AKT3: variants seen among roughly 807,000 people sequenced by gnomAD.
AKT3 encodes the protein AKT serine/threonine kinase 3.
Under a neutral mutation model 65.3 loss-of-function variants are expected in AKT3, and 15 were observed. The observed-to-expected ratio is 0.23, with a 90% CI of 0.15 to 0.35. The LOEUF is 0.35. AKT3 is among the 10% of genes least tolerant of loss of function. AKT3 has a pLI of 1.00. For synonymous variants in AKT3, 206 were observed against 183.8 expected (o/e 1.12, Z -0.98); for missense variants, 243 against 576.5 (o/e 0.42, Z 5.92).
chr1:243,641,258 G>GTATATA lies in AKT3; in HGVS notation c.430-3522_430-3517dup, dbSNP rs74162300. 8.5e-3 allele frequency among the ~76,000 whole-genome samples: 1,202 copies of GTATATA among 141,158 alleles called. 8 individuals are homozygous for GTATATA. Among genetic ancestry groups the GTATATA allele is most frequent in the Non-Finnish European group, 0.014 (941 of 65,618 alleles). 92.6% of individuals were successfully genotyped at this position (141,158 alleles called of 152,430 possible). A position where few individuals can be genotyped will look rare whatever the true frequency, so the allele number is the denominator to read the frequency against. ...ATAAACTCCATATATATGTGTGTGT[G>GTATATA]TATATATATATATATACACACACAC... On this transcript the variant is annotated intron_variant, in intron 5 of 13. Transcript: ENST00000673466.
intron 2 of AKT3, among the ~76,000 whole-genome samples, chr1:243,779,192 G>A (rs1208368323): frequency 6.6e-6 from 1 of 152,122 alleles, no homozygotes; most frequent in Non-Finnish European, 1.5e-5. Context: ...ACACACAATA[G>A]TTGTAGGAAT....
chr1:243,731,385 G>A (rs1346605314), intron 2 of AKT3, among the ~76,000 whole-genome samples: 1 of 152,144 alleles, frequency 6.6e-6, no homozygotes, highest in Non-Finnish European at 1.5e-5. Context: ...CAAGAACTAA[G>A]GGGCAAGAAG....
chr1:243,629,747 G>A (rs1035205340), intron 6 of AKT3, among the ~76,000 whole-genome samples: 1 of 152,154 alleles, frequency 6.6e-6, no homozygotes, highest in Non-Finnish European at 1.5e-5. Context: ...AGCCGAGATC[G>A]CGCCACTGCA....
At chr1:243,622,936 T>G (rs1231998194) in intron 6 of AKT3, among the ~76,000 whole-genome samples, 1 of 152,180 alleles carries the variant, frequency 6.6e-6, no homozygotes, top group Non-Finnish European at 1.5e-5. Context: ...ATTGGGTTAT[T>G]TTAATGGACT....
At chr1:243,756,123 G>T (rs529855374) in intron 2 of AKT3, among the ~76,000 whole-genome samples, 24 of 152,194 alleles carry the variant, frequency 1.6e-4, no homozygotes, top group Non-Finnish European at 2.4e-4. Context: ...GTGTGAGATA[G>T]AAATTGAAAT....
intron 13 of AKT3, among the ~76,000 whole-genome samples, chr1:243,509,351 C>A (rs1451406051): frequency 2.0e-5 from 3 of 152,098 alleles, no homozygotes; most frequent in Non-Finnish European, 4.4e-5. Flanking sequence ...CAATAAAATG[C>A]ACACTAATGA....
At chr1:243,592,110 C>T (rs1164173911) in intron 8 of AKT3, among the ~76,000 whole-genome samples, 5 of 151,944 alleles carry the variant, frequency 3.3e-5, no homozygotes, top group African/African-American at 9.7e-5. Context: ...CCAAGCTGGG[C>T]GGATCACGAG....
At chr1:243,507,531 C>T (rs761807614) in intron 13 of AKT3, among the ~76,000 whole-genome samples, 8 of 152,204 alleles carry the variant, frequency 5.3e-5, no homozygotes, top group Admixed American at 1.3e-4. Context: ...GCAGGGGCTG[C>T]GGTGGGAGGG....
chr1:243,648,788 T>C lies in AKT3; in HGVS notation c.285-2751A>G, dbSNP rs369041048. 1.1e-3 allele frequency among the ~76,000 whole-genome samples: 165 copies of C among 152,284 alleles called. No individual in the cohort carries two copies. In the Middle Eastern group the frequency reaches 0.014, roughly 13 times the overall value. ...TTTCTAATGTTTTCTTGGATGTCAG[T>C]AATTTGTGTCTTCCCTCTTTTTCCT... On this transcript the variant is annotated intron_variant, in intron 4 of 13. Coordinates refer to ENST00000673466, the MANE Select transcript of AKT3 (RefSeq NM_005465.7).
intron 3 of AKT3, among the ~76,000 whole-genome samples, chr1:243,681,094 AT>A (rs1683883213): frequency 6.6e-6 from 1 of 152,174 alleles, no homozygotes; most frequent in Non-Finnish European, 1.5e-5. Context: ...CTGCAGGTTT[AT>A]CTCCCAGCTC....
intron 8 of AKT3, among the ~76,000 whole-genome samples, chr1:243,580,650 G>A (rs968248189): frequency 7.9e-5 from 12 of 152,146 alleles, no homozygotes; most frequent in Non-Finnish European, 1.3e-4. Context: ...CAGGAGAGCC[G>A]CTACAGCTGC....
rs373666457 is a variant in AKT3 at position 243,686,652 on chromosome 1, T to TATATATATATATATATATATATA, written c.172+8938_172+8939insTATATATATATATATATATATAT. Among the ~76,000 whole-genome samples the TATATATATATATATATATATATA allele has an allele frequency of 8.3e-3, 105 of 12,622 alleles. 6 individuals are homozygous for TATATATATATATATATATATATA. The highest frequency in any genetic ancestry group is 0.012 in the Non-Finnish European group (81 of 6,834). The allele number at this position is 12,622 out of a possible 152,430, so 8.3% of individuals were successfully genotyped here. A position where few individuals can be genotyped will look rare whatever the true frequency, so the allele number is the denominator to read the frequency against. Reference sequence around the variant, plus strand: ...TTTCATATATATATATATATATATATTTTTTTTTTTTTTTTTTTTTTTTTT... The same window carrying TATATATATATATATATATATATA: ...TTTCATATATATATATATATATATATATATATATATATATATATATATATTTTTTTTTTTTTTTTTTTTTTTTT... On this transcript the variant is annotated intron_variant, in intron 3 of 13. Coordinates refer to ENST00000673466, the MANE Select transcript of AKT3 (RefSeq NM_005465.7).
At position 243,707,974 on chromosome 1, in the gene AKT3, A is replaced by G. The variant is rs368452321; in HGVS notation, c.47-12258T>C. 2.8e-3 allele frequency among the ~76,000 whole-genome samples: 426 copies of G among 152,216 alleles called. 2 individuals carry two copies. The highest frequency in any genetic ancestry group is 9.6e-3 in the African/African-American group (397 of 41,568). On this transcript the variant is annotated intron_variant, in intron 2 of 13. Coordinates refer to ENST00000673466, the MANE Select transcript of AKT3 (RefSeq NM_005465.7). ...AAGTTTTTAAAACTGAAGGGAATCTATGCTTCCATTTTAATGAATACTGCT... is the reference window on the plus strand; with the variant it reads ...AAGTTTTTAAAACTGAAGGGAATCTGTGCTTCCATTTTAATGAATACTGCT...
At chr1:243,618,178 C>T (rs776377191) in intron 6 of AKT3, among the ~76,000 whole-genome samples, 1 of 152,008 alleles carries the variant, frequency 6.6e-6, no homozygotes, top group Non-Finnish European at 1.5e-5. Context: ...TTTCTACCCC[C>T]TAAATTTGTA....
intron 4 of AKT3, among the ~76,000 whole-genome samples, chr1:243,649,197 T>C (rs1681076622): frequency 6.6e-6 from 1 of 152,102 alleles, no homozygotes; most frequent in Non-Finnish European, 1.5e-5. Flanking sequence ...ACATCTATTG[T>C]CTTACTGTTA....
At chr1:243,632,952 G>A (rs1467371712) in intron 6 of AKT3, among the ~76,000 whole-genome samples, 3 of 152,118 alleles carry the variant, frequency 2.0e-5, no homozygotes, top group Non-Finnish European at 4.4e-5. Context: ...TGTTGCAGCT[G>A]GTTTGAACTT....
At chr1:243,596,640 A>G (rs1259372738) in intron 8 of AKT3, among the ~76,000 whole-genome samples, 2 of 152,208 alleles carry the variant, frequency 1.3e-5, no homozygotes, top group African/African-American at 4.8e-5. Flanking sequence ...TAATGCTGAG[A>G]CTGTAAAATG....
chr1:243,672,365 A>G (rs1259981599), intron 3 of AKT3, among the ~76,000 whole-genome samples: 1 of 152,236 alleles, frequency 6.6e-6, no homozygotes, highest in African/African-American at 2.4e-5. Context: ...CTAATAATGG[A>G]AAAGTGATCT....
intron 3 of AKT3, chr1:243,687,600 G>A (rs1009905686): frequency 1.3e-5 from 2 of 151,950 alleles, no homozygotes; most frequent in Non-Finnish European, 2.9e-5. Flanking sequence ...ATTAAGATGG[G>A]ATACACTTTT....
Sources: gnomAD v4.1 joint callset for allele counts (sites outside exome capture counted in the v4.1 genomes callset) on GRCh38, gnomAD v4.1.1 for gene constraint, MANE v1.5 for transcripts, NCBI Gene and HGNC (gene_info 2026-07-23, HGNC 2026-07-21) for gene names.